The following CTNNA3 variants were observed in gnomAD, a reference collection of about 807,000 sequenced individuals.
CTNNA3 encodes the protein catenin alpha 3.
A neutral mutation model predicts 95.7 loss-of-function variants in CTNNA3; 76 were observed. That is an observed-to-expected ratio of 0.79 (90% confidence interval 0.66 to 0.96). CTNNA3 has a LOEUF of 0.96. CTNNA3 is among the 40% of genes least tolerant of loss of function. The pLI, the probability that CTNNA3 is intolerant of heterozygous loss-of-function variation, is 0.00. For synonymous variants in CTNNA3, 431 were observed against 374.4 expected (o/e 1.15, Z -1.74); for missense variants, 1,191 against 1,089.8 (o/e 1.09, Z -1.31).
chr10:66,368,175 T>C (rs1049984551), intron 12 of CTNNA3, among the ~76,000 whole-genome samples: 2 of 151,970 alleles, frequency 1.3e-5, no homozygotes, highest in African/African-American at 2.4e-5. Context: ...AGGTTTTTAT[T>C]TGACCACATA....
At chr10:67,602,563 T>TAGA (rs1843119587) in intron 3 of CTNNA3, among the ~76,000 whole-genome samples, 1 of 152,198 alleles carries the variant, frequency 6.6e-6, no homozygotes, top group African/African-American at 2.4e-5. Flanking sequence ...CACATTATAA[T>TAGA]AGAACACAGT....
At chr10:66,724,690 A>C (rs984844607) in intron 9 of CTNNA3, among the ~76,000 whole-genome samples, 1 of 152,192 alleles carries the variant, frequency 6.6e-6, no homozygotes, top group African/African-American at 2.4e-5. Flanking sequence ...TAGGACAAAA[A>C]CTCTCAACAT....
intron 13 of CTNNA3, among the ~76,000 whole-genome samples, chr10:66,261,178 T>C (rs1471290275): frequency 1.3e-5 from 2 of 152,092 alleles, no homozygotes; most frequent in Admixed American, 6.6e-5. Flanking sequence ...GGTATAACTT[T>C]TACCTTTACT....
chr10:66,284,460 T>C (rs2091550959), intron 12 of CTNNA3, among the ~76,000 whole-genome samples: 1 of 151,938 alleles, frequency 6.6e-6, no homozygotes, highest in South Asian at 2.1e-4. Flanking sequence ...ATGGGGTTTC[T>C]GAATTGCTGC....
intron 15 of CTNNA3, among the ~76,000 whole-genome samples, chr10:66,012,909 G>A (rs1477418865): frequency 1.3e-5 from 2 of 152,136 alleles, no homozygotes; most frequent in Non-Finnish European, 2.9e-5. Flanking sequence ...AGAATCCACT[G>A]GCTACAGTGC....
chr10:67,229,656 T>A (rs1865096583), intron 5 of CTNNA3, among the ~76,000 whole-genome samples: 1 of 152,144 alleles, frequency 6.6e-6, no homozygotes, highest in South Asian at 2.1e-4. Flanking sequence ...AATCAGTAGC[T>A]CTTCTATACA....
In CTNNA3 at chr10:67,272,428, C is replaced by T. The variant is rs551022567; in HGVS notation, c.580-52558G>A. Among the ~76,000 whole-genome samples, 228 of 152,088 alleles carry T rather than the reference C, an allele frequency of 1.5e-3. 10 individuals carry two copies. The South Asian group carries it at 0.046, about 31-fold the overall frequency. ...ATTAGCTGGGAGTGGTGGTGCATGC[C>T]TGTAGTCCCGGTTACTTGGGAGGCT... On this transcript the variant is annotated intron_variant, in intron 5 of 17. Transcript: ENST00000433211.
At chr10:67,343,298 T>C (rs575271675) in intron 5 of CTNNA3, among the ~76,000 whole-genome samples, 1 of 152,272 alleles carries the variant, frequency 6.6e-6, no homozygotes, top group Non-Finnish European at 1.5e-5. Context: ...AAGAATGTCA[T>C]TGGTGTTTTA....
At chr10:66,342,272 G>A (rs1189293342) in intron 12 of CTNNA3, among the ~76,000 whole-genome samples, 3 of 151,888 alleles carry the variant, frequency 2.0e-5, no homozygotes, top group Non-Finnish European at 2.9e-5. Flanking sequence ...CATCATCACT[G>A]TTTCCTCAGA....
At chr10:66,043,336 C>T (rs1359883931) in intron 15 of CTNNA3, among the ~76,000 whole-genome samples, 1 of 152,014 alleles carries the variant, frequency 6.6e-6, no homozygotes, top group Admixed American at 6.6e-5. Flanking sequence ...CACATTGAAC[C>T]CCAAATTAGC....
intron 1 of CTNNA3, among the ~76,000 whole-genome samples, chr10:67,749,738 T>C (rs1841394555): frequency 6.6e-6 from 1 of 151,860 alleles, no homozygotes; most frequent in Admixed American, 6.6e-5. Context: ...CACCCTAACA[T>C]CACAACTAAA....
At position 65,918,704 on chromosome 10, in the gene CTNNA3, T is replaced by C. The variant is rs1032525383; in HGVS notation, c.*1626A>G. 3.3e-5 allele frequency: 5 copies of C among 152,152 alleles called. No individual in the cohort carries two copies. The highest frequency in any genetic ancestry group is 7.4e-5 in the Non-Finnish European group (5 of 68,016). 9.4% of individuals were successfully genotyped at this position (152,152 alleles called of 1,614,324 possible). On this transcript the variant is annotated 3_prime_UTR_variant, in exon 18 of 18. Transcript: ENST00000433211. ...GAAGTTTTACACTGAGCTCAGGCAA[T>C]CCAGCTACTTGGAAGATTGAAATAA...
intron 12 of CTNNA3, among the ~76,000 whole-genome samples, chr10:66,281,297 G>A (rs1424594614): frequency 6.6e-6 from 1 of 151,822 alleles, no homozygotes; most frequent in African/African-American, 2.4e-5. Context: ...CTTCAAAATA[G>A]TTTCAAATAA....
intron 11 of CTNNA3, among the ~76,000 whole-genome samples, chr10:66,444,298 CAT>C (rs2093400393): frequency 6.6e-6 from 1 of 152,078 alleles, no homozygotes; most frequent in Non-Finnish European, 1.5e-5. Flanking sequence ...GGCAGGCCAA[CAT>C]TCAGATTCAG....
intron 10 of CTNNA3, among the ~76,000 whole-genome samples, chr10:66,543,323 C>T (rs769696279): frequency 5.9e-5 from 9 of 152,078 alleles, no homozygotes; most frequent in Non-Finnish European, 1.3e-4. Context: ...AACTCCTGAC[C>T]TCGTGATCCA....
chr10:66,380,572 C>T (rs927489035), intron 11 of CTNNA3, among the ~76,000 whole-genome samples: 2 of 151,088 alleles, frequency 1.3e-5, no homozygotes, highest in African/African-American at 2.4e-5. Context: ...CATGCCACTA[C>T]ACTCCAGCCT....
intron 1 of CTNNA3, among the ~76,000 whole-genome samples, chr10:67,721,662 A>G (rs1406083152): frequency 2.0e-5 from 3 of 152,084 alleles, no homozygotes; most frequent in African/African-American, 7.2e-5. Flanking sequence ...ACTTCTGTCA[A>G]TTCATGAAAC....
intron 11 of CTNNA3, among the ~76,000 whole-genome samples, chr10:66,407,870 C>T (rs1407774548): frequency 6.6e-6 from 1 of 152,202 alleles, no homozygotes; most frequent in Non-Finnish European, 1.5e-5. Context: ...TGAGAAACCA[C>T]ACCCGGCCAA....
At chr10:67,469,591 A>G (rs1445418650) in intron 5 of CTNNA3, among the ~76,000 whole-genome samples, 1 of 147,834 alleles carries the variant, frequency 6.8e-6, no homozygotes, top group African/African-American at 2.5e-5. Context: ...GGGGAACATC[A>G]TACACCGGGG....
Sources: allele counts gnomAD v4.1 joint callset (sites outside exome capture counted in the v4.1 genomes callset), GRCh38; gene constraint gnomAD v4.1.1; transcripts MANE v1.5; gene names NCBI Gene and HGNC (gene_info 2026-07-23, HGNC 2026-07-21).